Variants in R3HCC1L observed in about 807,000 individuals in gnomAD.
R3HCC1L encodes the protein R3H domain and coiled-coil containing 1 like.
In R3HCC1L, 51 loss-of-function variants were observed where a neutral mutation model predicts 59.9. The ratio of observed to expected loss-of-function variants is 0.85; its 90% CI spans 0.68 to 1.07. The LOEUF is 1.07. Ranked by LOEUF, R3HCC1L falls within the 50% of genes least tolerant of loss-of-function variation. The pLI is 0.00. For missense variants in R3HCC1L, 965 were observed against 933.0 expected, an observed-to-expected ratio of 1.03 and a Z score of -0.45; for synonymous variants, 322 against 315.2, an observed-to-expected ratio of 1.02 and a Z score of -0.23.
intron 4 of R3HCC1L, among the ~76,000 whole-genome samples, chr10:98,201,727 A>G (rs1330413948): frequency 6.6e-6 from 1 of 152,202 alleles, no homozygotes; most frequent in Non-Finnish European, 1.5e-5. Context: ...TAAAGGAACT[A>G]TATGACTTTG....
At chr10:98,182,494 A>G (rs1002507051) in intron 4 of R3HCC1L, among the ~76,000 whole-genome samples, 3 of 152,176 alleles carry the variant, frequency 2.0e-5, no homozygotes, top group African/African-American at 7.2e-5. Context: ...ATGGGGGGTC[A>G]GGGACCCACT....
chr10:98,135,738 T>A (rs990998684), intron 1 of R3HCC1L, among the ~76,000 whole-genome samples: 3 of 152,188 alleles, frequency 2.0e-5, no homozygotes, highest in Non-Finnish European at 4.4e-5. Flanking sequence ...GAATTTAGAC[T>A]CTTCTTCCTC....
chr10:98,199,564 T>C (rs536636097), intron 4 of R3HCC1L, among the ~76,000 whole-genome samples: 1 of 152,180 alleles, frequency 6.6e-6, no homozygotes, highest in African/African-American at 2.4e-5. Flanking sequence ...TTTCAGTTCC[T>C]GCTCTCCCAG....
At chr10:98,162,476 AT>A (rs1847525872) in intron 2 of R3HCC1L, among the ~76,000 whole-genome samples, 1 of 152,152 alleles carries the variant, frequency 6.6e-6, no homozygotes, top group Non-Finnish European at 1.5e-5. Context: ...CTTTTTTAAT[AT>A]TTGCCAGTTT....
At chr10:98,162,456 C>T (rs976324306) in intron 2 of R3HCC1L, among the ~76,000 whole-genome samples, 27 of 152,160 alleles carry the variant, frequency 1.8e-4, no homozygotes, top group Middle Eastern at 3.2e-3. Context: ...CAAAACAGAA[C>T]CTTATTGCTC....
intron 9 of R3HCC1L, among the ~76,000 whole-genome samples, chr10:98,239,503 A>G (rs1857301456): frequency 6.6e-6 from 1 of 152,156 alleles, no homozygotes; most frequent in Non-Finnish European, 1.5e-5. Flanking sequence ...TACTCAGTAC[A>G]TGTTCATTGA....
chr10:98,190,322 T>G (rs577160891), intron 4 of R3HCC1L, among the ~76,000 whole-genome samples: 1 of 152,132 alleles, frequency 6.6e-6, no homozygotes, highest in Non-Finnish European at 1.5e-5. Flanking sequence ...AAGGATTGGG[T>G]ATATTTTTTA....
chr10:98,208,194 G>T lies in R3HCC1L; in HGVS notation c.80G>T (p.Gly27Val). The T allele has an allele frequency of 5.6e-6, 9 of 1,614,058 alleles. No homozygotes were observed. The highest frequency in any genetic ancestry group is 1.3e-5 in the African/African-American group (1 of 75,020). Reference protein sequence around the residue: ...MALYVPKARRGAVLLKTGDEE... With the variant: ...MALYVPKARRVAVLLKTGDEE... ...CTTTATGTACCTAAAGCTCGTAGGG[G>T]TGCAGTACTCCTTAAGACAGGTGAT... The change falls in exon 5 of 10, where the codon GGT becomes GTT. Residue 27 changes from glycine to valine, a missense_variant. Physicochemically the swap from Gly to Val is moderately radical, Grantham distance 109. Coordinates refer to ENST00000298999, the MANE Select transcript of R3HCC1L (RefSeq NM_001351015.2).
At chr10:98,204,405 A>G (rs1034913981) in intron 4 of R3HCC1L, among the ~76,000 whole-genome samples, 3 of 151,236 alleles carry the variant, frequency 2.0e-5, no homozygotes, top group African/African-American at 7.3e-5. Context: ...AACTGTCTCA[A>G]AAAAAAAAGA....
At chr10:98,144,171 G>A (rs763815048) in intron 1 of R3HCC1L, among the ~76,000 whole-genome samples, 20 of 152,040 alleles carry the variant, frequency 1.3e-4, no homozygotes, top group Admixed American at 2.6e-4. Context: ...TGTAGCATGA[G>A]TTATATTACT....
intron 4 of R3HCC1L, among the ~76,000 whole-genome samples, chr10:98,191,954 A>C (rs918416008): frequency 8.5e-5 from 13 of 152,148 alleles, no homozygotes; most frequent in Non-Finnish European, 1.8e-4. Context: ...CCTTCCAAGT[A>C]GCTGGGATTA....
chr10:98,218,194 T>C (rs1026146486), intron 5 of R3HCC1L, among the ~76,000 whole-genome samples: 3 of 152,200 alleles, frequency 2.0e-5, no homozygotes, highest in Non-Finnish European at 4.4e-5. Flanking sequence ...CTATTTCTAA[T>C]TTGTTGAGGG....
chr10:98,159,524 C>T (rs567046720), intron 2 of R3HCC1L, among the ~76,000 whole-genome samples: 2 of 152,190 alleles, frequency 1.3e-5, no homozygotes, highest in South Asian at 4.1e-4. Flanking sequence ...TTTTAGTATC[C>T]ATTTGTTGTA....
chr10:98,169,618 C>T (rs2134319959), intron 4 of R3HCC1L, among the ~76,000 whole-genome samples: 1 of 152,222 alleles, frequency 6.6e-6, no homozygotes, highest in African/African-American at 2.4e-5. Flanking sequence ...TTCATCGCGG[C>T]AGATTTTGAA....
intron 6 of R3HCC1L, among the ~76,000 whole-genome samples, chr10:98,233,896 GC>G (rs1367178421): frequency 4.0e-5 from 6 of 151,870 alleles, no homozygotes. Flanking sequence ...GAATAGATCA[GC>G]CTCTCTGATT....
chr10:98,235,350 C>A, intron 7 of R3HCC1L, 75 bp from the exon 8 acceptor site: 1 of 1,244,600 alleles, frequency 8.0e-7, no homozygotes, highest in Non-Finnish European at 1.2e-6. Context: ...CTAGGAAATA[C>A]TAAGAGCTAT....
intron 5 of R3HCC1L, among the ~76,000 whole-genome samples, chr10:98,225,750 T>G (rs1161848610): frequency 6.6e-6 from 1 of 152,342 alleles, no homozygotes; most frequent in East Asian, 1.9e-4. Context: ...AAATGAGATA[T>G]AAGTATACAA....
At chr10:98,164,164 C>T (rs1278299983) in intron 4 of R3HCC1L, among the ~76,000 whole-genome samples, 7 of 152,098 alleles carry the variant, frequency 4.6e-5, no homozygotes, top group African/African-American at 9.7e-5. Context: ...GTGCTGCTGA[C>T]GCACATTGCA....
intron 1 of R3HCC1L, among the ~76,000 whole-genome samples, chr10:98,135,010 T>A (rs1284048171): frequency 6.6e-6 from 1 of 152,132 alleles, no homozygotes; most frequent in African/African-American, 2.4e-5. Context: ...ACGTGCTTTT[T>A]CTGGGTTTCA....
Sources: allele counts gnomAD v4.1 joint callset (sites outside exome capture counted in the v4.1 genomes callset), GRCh38; gene constraint gnomAD v4.1.1; transcripts MANE v1.5; gene names NCBI Gene and HGNC (gene_info 2026-07-23, HGNC 2026-07-21).